The following PRKCQ variants were observed in gnomAD, a reference collection of about 807,000 sequenced individuals.
PRKCQ encodes the protein protein kinase C theta type.
PRKCQ carries 41 observed loss-of-function variants against 91.2 expected under a neutral mutation model. The observed-to-expected ratio is 0.45, with a 90% CI of 0.35 to 0.58. The LOEUF is 0.58. Among genes scored for constraint, PRKCQ ranks in the 20% least tolerant of loss-of-function variants. PRKCQ has a pLI of 0.00. For synonymous variants in PRKCQ, 307 were observed against 316.9 expected, an observed-to-expected ratio of 0.97 and a Z score of 0.33; for missense variants, 673 against 896.5, an observed-to-expected ratio of 0.75 and a Z score of 3.18.
chr10:6,414,921 C>T, the PRKCQ span, among the ~76,000 whole-genome samples: 3 of 151,922 alleles, frequency 2.0e-5, no homozygotes, highest in Non-Finnish European at 4.4e-5. Flanking sequence ...GAAATAATGG[C>T]CTCCAACTTT....
chr10:6,580,614 C>G (rs1303630286), upstream of PRKCQ: 1 of 152,306 alleles, frequency 6.6e-6, no homozygotes, highest in African/African-American at 2.4e-5. Flanking sequence ...CGGCCACATT[C>G]TCAGAGTCAG....
intron 1 of PRKCQ, among the ~76,000 whole-genome samples, chr10:6,564,881 C>T (rs1840781786): frequency 3.3e-5 from 5 of 152,190 alleles, no homozygotes; most frequent in African/African-American, 1.2e-4. Flanking sequence ...TCAATATATA[C>T]CCACTTGTAC....
At chr10:6,474,154 T>C (rs924403933) in intron 12 of PRKCQ, among the ~76,000 whole-genome samples, 1 of 152,240 alleles carries the variant, frequency 6.6e-6, no homozygotes, top group Non-Finnish European at 1.5e-5. Flanking sequence ...CAAAGTGATA[T>C]TGACCAAGAA....
At chr10:6,495,338 C>G (rs1182615191) in intron 7 of PRKCQ, among the ~76,000 whole-genome samples, 1 of 152,240 alleles carries the variant, frequency 6.6e-6, no homozygotes, top group Non-Finnish European at 1.5e-5. Flanking sequence ...CTGCGCAGCC[C>G]TTGCAGCTGT....
chr10:6,472,583 C>T lies in PRKCQ; in HGVS notation c.1353+6409G>A, dbSNP rs147839693. 1.9e-3 allele frequency among the ~76,000 whole-genome samples: 295 copies of T among 152,346 alleles called. 4 individuals are homozygous for T. The highest frequency in any genetic ancestry group is 7.0e-3 in the African/African-American group (290 of 41,590). ...GCCTTGAGAGAGATGCGACTGTGAT[C>T]TGAGTCACATATGGTTACAACTTCT... is the stretch of plus-strand genomic sequence containing the variant. On this transcript the variant is annotated intron_variant, in intron 12 of 17. Transcript: ENST00000263125.
intron 12 of PRKCQ, among the ~76,000 whole-genome samples, chr10:6,478,690 T>G (rs752238820): frequency 1.1e-4 from 16 of 152,230 alleles, no homozygotes; most frequent in Non-Finnish European, 2.2e-4. Context: ...TTGTTACATT[T>G]TCCCCTAAGT....
chr10:6,495,601 T>C (rs780358638), intron 7 of PRKCQ, among the ~76,000 whole-genome samples: 29 of 152,242 alleles, frequency 1.9e-4, no homozygotes, highest in Non-Finnish European at 3.4e-4. Flanking sequence ...AAGCCATACA[T>C]AGCTGTTTAT....
At chr10:6,553,344 G>C (rs760055308) in intron 1 of PRKCQ, among the ~76,000 whole-genome samples, 1 of 151,890 alleles carries the variant, frequency 6.6e-6, no homozygotes, top group African/African-American at 2.4e-5. Flanking sequence ...ACAAAAATTA[G>C]CTGGGCATGG....
intron 1 of PRKCQ, among the ~76,000 whole-genome samples, chr10:6,553,502 A>ATAAAT (rs1321847824): frequency 6.7e-6 from 1 of 148,214 alleles, no homozygotes; most frequent in East Asian, 2.1e-4. Context: ...AAAAAAAAAA[A>ATAAAT]AAAAAAAAAA....
chr10:6,404,255 G>GGAGAGAGA, the PRKCQ span, among the ~76,000 whole-genome samples: 1,850 of 34,390 alleles, frequency 0.054, 338 homozygotes, highest in Non-Finnish European at 0.085. Context: ...GAAGGGGGGG[G>GGAGAGAGA]GAGAGAGAGA....
At chr10:6,498,290 T>A (rs1362681012) in intron 5 of PRKCQ, 106 bp downstream of exon 5, 1 of 1,400,360 alleles carries the variant, frequency 7.1e-7, no homozygotes, top group African/African-American at 1.4e-5. Context: ...GAGGTAGCAT[T>A]TACTCCAGCA....
chr10:6,570,176 C>T (rs138050553), intron 1 of PRKCQ, among the ~76,000 whole-genome samples: 151 of 152,034 alleles, frequency 9.9e-4, no homozygotes, highest in African/African-American at 3.1e-3. Context: ...TAGAACTCCA[C>T]GGGAATCGGC....
At chr10:6,540,117 T>C (rs1165103003) in intron 1 of PRKCQ, among the ~76,000 whole-genome samples, 1 of 152,210 alleles carries the variant, frequency 6.6e-6, no homozygotes, top group Non-Finnish European at 1.5e-5. Flanking sequence ...TCTAGACCTA[T>C]GGTCTTGATC....
intron 10 of PRKCQ, among the ~76,000 whole-genome samples, chr10:6,483,875 CAA>C (rs750228049): frequency 8.3e-4 from 127 of 152,176 alleles, no homozygotes; most frequent in Non-Finnish European, 1.5e-3. Context: ...ACTTAAGAAA[CAA>C]ATTCCAATCA....
chr10:6,486,045 C>T lies in PRKCQ; in HGVS notation c.890G>A (p.Ser297Asn), dbSNP rs554753559. 66 of 1,613,764 alleles carry T rather than the reference C, an allele frequency of 4.1e-5. 1 individual carries two copies. The South Asian group carries it at 6.8e-4, about 17-fold the overall frequency. ...GGCACATGCTCCTACCTGTTGAGTG[C>T]TCTCAATCATGGCCAGCGCTTCAGC... Reference protein sequence around the residue: ...LMAEALAMIESTQQARCLRDT... With the variant: ...LMAEALAMIENTQQARCLRDT... The change falls in exon 9 of 18, where the codon AGC becomes AAC. Residue 297 changes from serine (S) to asparagine (N), a missense_variant. Ser to Asn is a conservative substitution (Grantham distance 46). Transcript: ENST00000263125.
chr10:6,532,992 T>C (rs1487504635), intron 1 of PRKCQ, among the ~76,000 whole-genome samples: 2 of 152,174 alleles, frequency 1.3e-5, no homozygotes, highest in Non-Finnish European at 2.9e-5. Flanking sequence ...AAGTAATGTT[T>C]AGATTTTGTT....
chr10:6,426,717 T>TATA (rs964168186), downstream of PRKCQ, among the ~76,000 whole-genome samples: 2 of 152,230 alleles, frequency 1.3e-5, no homozygotes, highest in Non-Finnish European at 2.9e-5. Flanking sequence ...CTATTTTAAA[T>TATA]ATAATATCTA....
At chr10:6,578,515 A>G (rs905579526) in intron 1 of PRKCQ, among the ~76,000 whole-genome samples, 3 of 152,252 alleles carry the variant, frequency 2.0e-5, no homozygotes, top group Non-Finnish European at 2.9e-5. Flanking sequence ...AGGCAAGAAG[A>G]CAGAAACAAC....
rs1330476362 is a variant in PRKCQ at position 6,430,434 on chromosome 10, C to T, written c.1965+376G>A. ...GCTCCAAAATTCCTGACGTAGGATG[C>T]AGGGTTTATGTCCAAGTTTGGGTTA... On this transcript the variant is annotated intron_variant, in intron 17 of 17. Coordinates refer to ENST00000263125, the MANE Select transcript of PRKCQ (RefSeq NM_006257.5). This position sits in a 1 kb window ranked among gnomAD's most constrained non-coding sequence, Gnocchi z 4.7. Among the ~76,000 whole-genome samples, 3 of 152,144 alleles carry T rather than the reference C, an allele frequency of 2.0e-5. No homozygotes were observed. The highest frequency in any genetic ancestry group is 6.5e-5 in the Admixed American group (1 of 15,278).
Sources: allele counts gnomAD v4.1 joint callset (sites outside exome capture counted in the v4.1 genomes callset), GRCh38; gene constraint gnomAD v4.1.1; non-coding constraint Gnocchi (gnomAD v3.1); transcripts MANE v1.5; gene names NCBI Gene and HGNC (gene_info 2026-07-23, HGNC 2026-07-21).